SUGCT: variants seen among roughly 807,000 people sequenced by gnomAD.
SUGCT encodes succinyl-CoA:glutarate CoA-transferase.
In SUGCT, 41 loss-of-function variants were observed where a neutral mutation model predicts 55.0. That is an observed-to-expected ratio of 0.74 (90% CI 0.58 to 0.97). The LOEUF (loss-of-function observed/expected upper bound fraction) is 0.97. SUGCT is among the 50% of genes least tolerant of loss of function. SUGCT has a pLI of 0.00. For synonymous variants in SUGCT, 187 were observed against 200.4 expected, an observed-to-expected ratio of 0.93 and a Z score of 0.56; for missense variants, 568 against 547.8, an observed-to-expected ratio of 1.04 and a Z score of -0.37.
chr7:40,468,059 C>G (rs1487726504), intron 11 of SUGCT, among the ~76,000 whole-genome samples: 1 of 149,098 alleles, frequency 6.7e-6, no homozygotes, highest in Non-Finnish European at 1.5e-5. Flanking sequence ...GGGTAATGAA[C>G]TTGGAATTTG....
At chr7:40,829,419 AC>A (rs993980901) in intron 13 of SUGCT, among the ~76,000 whole-genome samples, 5 of 151,814 alleles carry the variant, frequency 3.3e-5, no homozygotes, top group Admixed American at 2.0e-4. Flanking sequence ...AAAGTCAAGA[AC>A]CCTCCTGGGC....
intron 6 of SUGCT, among the ~76,000 whole-genome samples, chr7:40,215,432 G>C (rs978956675): frequency 1.3e-5 from 2 of 152,072 alleles, no homozygotes; most frequent in African/African-American, 4.8e-5. Context: ...GGGATTAATA[G>C]GTGTGAACCA....
At chr7:40,545,394 A>C (rs1365498091) in intron 12 of SUGCT, among the ~76,000 whole-genome samples, 3 of 152,098 alleles carry the variant, frequency 2.0e-5, no homozygotes, top group Non-Finnish European at 4.4e-5. Flanking sequence ...TTTTTGTTTT[A>C]CTGGTTTAAT....
chr7:40,626,161 C>G (rs562390660), intron 12 of SUGCT, among the ~76,000 whole-genome samples: 2 of 152,158 alleles, frequency 1.3e-5, no homozygotes, highest in East Asian at 3.9e-4. Flanking sequence ...ATGTTCCATT[C>G]TACCTTCCAG....
chr7:40,818,781 T>C (rs960167758), intron 13 of SUGCT, among the ~76,000 whole-genome samples: 7 of 152,106 alleles, frequency 4.6e-5, no homozygotes, highest in Admixed American at 3.9e-4. Context: ...AAATATACTT[T>C]AAGTTCTAGG....
intron 5 of SUGCT, among the ~76,000 whole-genome samples, chr7:40,194,649 G>A (rs1786139596): frequency 6.6e-6 from 1 of 152,160 alleles, no homozygotes; most frequent in Non-Finnish European, 1.5e-5. Context: ...CTAATCTTTT[G>A]AGAATCTATT....
chr7:40,637,000 G>A (rs2151818167), intron 12 of SUGCT, among the ~76,000 whole-genome samples: 1 of 152,226 alleles, frequency 6.6e-6, no homozygotes, highest in East Asian at 1.9e-4. Flanking sequence ...TGCTCCTGGG[G>A]CTAAAAGATC....
chr7:40,209,964 ATAG>A (rs1584350098), intron 6 of SUGCT, among the ~76,000 whole-genome samples: 2 of 152,232 alleles, frequency 1.3e-5, no homozygotes, highest in African/African-American at 4.8e-5. Flanking sequence ...GGAAAGCCAA[ATAG>A]TAGTGTGGGA....
intron 12 of SUGCT, among the ~76,000 whole-genome samples, chr7:40,743,171 T>C (rs1787555905): frequency 6.6e-6 from 1 of 152,222 alleles, no homozygotes; most frequent in Admixed American, 6.5e-5. Flanking sequence ...CAAGATCAGC[T>C]GGAAGCTGCT....
chr7:40,451,520 G>A (rs1350960910), intron 10 of SUGCT, among the ~76,000 whole-genome samples: 2 of 152,110 alleles, frequency 1.3e-5, no homozygotes, highest in African/African-American at 4.8e-5. Context: ...CTTAGGAATG[G>A]CACACTTGAC....
intron 10 of SUGCT, among the ~76,000 whole-genome samples, chr7:40,456,615 G>A (rs1329014041): frequency 6.6e-6 from 1 of 152,078 alleles, no homozygotes; most frequent in East Asian, 1.9e-4. Flanking sequence ...AATCAGGGGA[G>A]TCAGTGTTGA....
chr7:40,212,768 C>T (rs771299687), intron 6 of SUGCT, among the ~76,000 whole-genome samples: 7 of 152,074 alleles, frequency 4.6e-5, no homozygotes, highest in Non-Finnish European at 7.3e-5. Context: ...CTCTTGACCT[C>T]GTGATTCACC....
At chr7:40,333,203 G>A in intron 9 of SUGCT, among the ~76,000 whole-genome samples, 1 of 152,016 alleles carries the variant, frequency 6.6e-6, no homozygotes, top group African/African-American at 2.4e-5. Context: ...GGATGAAATA[G>A]TGGAATTATA....
chr7:40,999,845 T>C, the SUGCT span, among the ~76,000 whole-genome samples: 1 of 152,208 alleles, frequency 6.6e-6, no homozygotes, highest in Non-Finnish European at 1.5e-5. Context: ...TAAAGATAAA[T>C]AAAAATTCAA....
chr7:40,861,435 A>AG (rs1269030068), downstream of SUGCT, among the ~76,000 whole-genome samples: 2 of 152,196 alleles, frequency 1.3e-5, no homozygotes, highest in African/African-American at 4.8e-5. Flanking sequence ...CCAGTAGGTG[A>AG]GAAATGATTA....
chr7:40,655,629 G>T (rs1394635735), intron 12 of SUGCT, among the ~76,000 whole-genome samples: 2 of 152,164 alleles, frequency 1.3e-5, no homozygotes, highest in Admixed American at 6.5e-5. Context: ...TGATTGTCCT[G>T]CTTACAGAGG....
At chr7:40,618,925 T>C (rs759690094) in intron 12 of SUGCT, among the ~76,000 whole-genome samples, 3 of 152,202 alleles carry the variant, frequency 2.0e-5, no homozygotes, top group Non-Finnish European at 2.9e-5. Context: ...TCTGAACTTA[T>C]AGATAGAGGA....
At chr7:40,801,777 A>T (rs1790827739) in intron 13 of SUGCT, among the ~76,000 whole-genome samples, 1 of 152,154 alleles carries the variant, frequency 6.6e-6, no homozygotes, top group Non-Finnish European at 1.5e-5. Flanking sequence ...GGAAAATAAC[A>T]ACCCTAAAGA....
intron 6 of SUGCT, among the ~76,000 whole-genome samples, chr7:40,235,484 G>C (rs1168961156): frequency 6.6e-6 from 1 of 152,028 alleles, no homozygotes; most frequent in African/African-American, 2.4e-5. Context: ...GCACCACCAC[G>C]CCTGGCTAAT....
Sources: allele counts gnomAD v4.1 joint callset (sites outside exome capture counted in the v4.1 genomes callset), GRCh38; gene constraint gnomAD v4.1.1; transcripts MANE v1.5; gene names NCBI Gene and HGNC (gene_info 2026-07-23, HGNC 2026-07-21).